The following PLD1 variants were observed in gnomAD, a reference collection of about 807,000 sequenced individuals.
PLD1 encodes the protein phospholipase D1, also known as choline phosphatase 1.
Under a neutral mutation model 137.1 loss-of-function variants are expected in PLD1, and 112 were observed. That is an observed-to-expected ratio of 0.82 (90% CI 0.70 to 0.96). The LOEUF (loss-of-function observed/expected upper bound fraction) is 0.96, where lower values mean the gene tolerates loss of function less well. Among genes scored for constraint, PLD1 ranks in the 40% least tolerant of loss-of-function variants. The pLI is 0.00. For synonymous variants in PLD1, 431 were observed against 454.7 expected, an observed-to-expected ratio of 0.95 and a Z score of 0.66; for missense variants, 1,321 against 1,342.0, an observed-to-expected ratio of 0.98 and a Z score of 0.24.
In PLD1 at chr3:171,748,815, C is replaced by T. The variant is rs7645566; in HGVS notation, c.-31-10733G>A. On this transcript the variant is annotated intron_variant, in intron 1 of 26. Coordinates refer to ENST00000351298, the MANE Select transcript of PLD1 (RefSeq NM_002662.5). ...AATGTGTAAAATGGAAGTAATATTG[C>T]GTGGCTTAGAGCTTGGGCTATACTA... is the stretch of plus-strand genomic sequence containing the variant. 6.7e-3 allele frequency among the ~76,000 whole-genome samples: 994 copies of T among 148,758 alleles called. 11 individuals carry two copies. The highest frequency in any genetic ancestry group is 0.019 in the African/African-American group (774 of 40,020).
chr3:171,804,954 C>T (rs2141748), intron 1 of PLD1, among the ~76,000 whole-genome samples: 52,274 of 152,058 alleles, frequency 0.34, 9,402 homozygotes, highest in Middle Eastern at 0.52. Flanking sequence ...TCCCTTTCTA[C>T]GGCTTTCCTT....
chr3:171,708,218 T>C (rs1560237254), intron 11 of PLD1, among the ~76,000 whole-genome samples: 1 of 152,348 alleles, frequency 6.6e-6, no homozygotes, highest in Non-Finnish European at 1.5e-5. Context: ...ATGAGGCTTC[T>C]GGTGACTTTA....
intron 1 of PLD1, among the ~76,000 whole-genome samples, chr3:171,750,239 GA>G (rs2108289237): frequency 6.6e-6 from 1 of 152,224 alleles, no homozygotes; most frequent in East Asian, 1.9e-4. Context: ...CCAGAGAAAA[GA>G]AAAAATTTGC....
chr3:171,657,311 A>G (rs1737297932), intron 21 of PLD1, among the ~76,000 whole-genome samples: 1 of 152,242 alleles, frequency 6.6e-6, no homozygotes, highest in Non-Finnish European at 1.5e-5. Context: ...TTAAGTATAA[A>G]AGTCCCCAAA....
In PLD1 at chr3:171,634,901, A is replaced by C. The variant is rs188400340; in HGVS notation, c.2593+7939T>G. 4.3e-3 allele frequency among the ~76,000 whole-genome samples: 657 copies of C among 151,982 alleles called. 2 individuals carry two copies. Among genetic ancestry groups the C allele is most frequent in the Non-Finnish European group, 7.5e-3 (512 of 67,884 alleles). On this transcript the variant is annotated intron_variant, in intron 23 of 26. Coordinates refer to ENST00000351298, the MANE Select transcript of PLD1 (RefSeq NM_002662.5). ...TTTAAGACATTTTTATCACTCCCCCAAAAAAACCCCACACTCATTAACAGT... is the reference window on the plus strand; with the variant it reads ...TTTAAGACATTTTTATCACTCCCCCCAAAAAACCCCACACTCATTAACAGT...
At chr3:171,754,932 T>A (rs1720913307) in intron 1 of PLD1, among the ~76,000 whole-genome samples, 2 of 152,178 alleles carry the variant, frequency 1.3e-5, no homozygotes, top group East Asian at 3.9e-4. Context: ...ACTCAGCTAC[T>A]ACTATATCTC....
intron 1 of PLD1, among the ~76,000 whole-genome samples, chr3:171,761,968 G>A (rs1721424196): frequency 6.6e-6 from 1 of 152,168 alleles, no homozygotes; most frequent in Admixed American, 6.5e-5. Context: ...GATTAATACA[G>A]AAACGTAACT....
chr3:171,737,438 A>C (rs1308430251), intron 3 of PLD1, 94 bp downstream of exon 3: 41 of 1,080,624 alleles, frequency 3.8e-5, no homozygotes, highest in Non-Finnish European at 5.2e-5. Context: ...ACCTACAAAC[A>C]TGATCATAGC....
intron 8 of PLD1, among the ~76,000 whole-genome samples, chr3:171,715,286 G>T (rs1015045295): frequency 1.3e-5 from 2 of 152,178 alleles, no homozygotes; most frequent in African/African-American, 4.8e-5. Context: ...ATTAATATCT[G>T]AGTTCTCTAT....
At position 171,702,642 on chromosome 3, in the gene PLD1, TAA is replaced by T. The variant is rs768993810; in HGVS notation, c.1146-2818_1146-2817del. ...ATATTCCTTGAATAAAATATTTTCATAATGAAAATAAAAAGAAATTGAAACTG... is the reference window on the plus strand; with the variant it reads ...ATATTCCTTGAATAAAATATTTTCATTGAAAATAAAAAGAAATTGAAACTG... On this transcript the variant is annotated intron_variant, in intron 11 of 26. Transcript: ENST00000351298. Among the ~76,000 whole-genome samples, 293 of 152,236 alleles carry T rather than the reference TAA, an allele frequency of 1.9e-3. 1 individual carries two copies. The highest frequency in any genetic ancestry group is 3.2e-3 in the Non-Finnish European group (217 of 68,004).
chr3:171,611,122 C>T (rs1283740994), intron 25 of PLD1, among the ~76,000 whole-genome samples: 1 of 152,192 alleles, frequency 6.6e-6, no homozygotes, highest in Non-Finnish European at 1.5e-5. Context: ...GGGCATAACG[C>T]ACTGATCTTA....
chr3:171,638,702 T>G (rs1735375709), intron 23 of PLD1, among the ~76,000 whole-genome samples: 1 of 152,148 alleles, frequency 6.6e-6, no homozygotes, highest in South Asian at 2.1e-4. Context: ...TTTTGGGAGT[T>G]TGTGTCTTTA....
At chr3:171,629,621 G>A (rs1423108563) in intron 23 of PLD1, among the ~76,000 whole-genome samples, 1 of 151,836 alleles carries the variant, frequency 6.6e-6, no homozygotes. Flanking sequence ...TATACTACAA[G>A]GCTACAGTAA....
rs181135435 is a variant in PLD1 at position 171,758,776 on chromosome 3, G to A, written c.-31-20694C>T. On this transcript the variant is annotated intron_variant, in intron 1 of 26. Coordinates refer to ENST00000351298, the MANE Select transcript of PLD1 (RefSeq NM_002662.5). ...GCTGTATCAGGACCTTCCTTCTCCT[G>A]GATAGTGACATATGGATATTTGTAA... Among the ~76,000 whole-genome samples the A allele has an allele frequency of 1.0e-3, 156 of 152,296 alleles. 1 individual carries two copies. The highest frequency in any genetic ancestry group is 1.6e-3 in the Non-Finnish European group (111 of 68,024).
At chr3:171,733,317 T>C (rs947927745) in intron 6 of PLD1, 127 bp downstream of exon 6, 3 of 543,648 alleles carry the variant, frequency 5.5e-6, no homozygotes, top group African/African-American at 2.0e-5. Context: ...TCACTTAATT[T>C]ATTTTAATGC....
chr3:171,632,580 T>C (rs1021283541), intron 23 of PLD1, among the ~76,000 whole-genome samples: 1 of 151,840 alleles, frequency 6.6e-6, no homozygotes, highest in Non-Finnish European at 1.5e-5. Flanking sequence ...TATTCCAAAA[T>C]GACTCAGGGT....
In PLD1 at chr3:171,612,580, T is replaced by A; in HGVS notation, c.2729-148A>T. ...ATGTGTTTTTAGGGAGGTGGGGCCC[T>A]CCCTAACCCAGGGGTGAATCTTAAT... On this transcript the variant is annotated intron_variant, in intron 24 of 26. Coordinates refer to ENST00000351298, the MANE Select transcript of PLD1 (RefSeq NM_002662.5). The surrounding 1 kb of genome is among the most constrained non-coding windows in gnomAD (Gnocchi z 4.1). 1.5e-6 allele frequency: 1 copy of A among 673,422 alleles called. No homozygotes were observed. Among genetic ancestry groups the A allele is most frequent in the Non-Finnish European group, 2.6e-6 (1 of 386,880 alleles). 41.7% of individuals were successfully genotyped at this position (673,422 alleles called of 1,614,324 possible).
intron 1 of PLD1, among the ~76,000 whole-genome samples, chr3:171,794,584 G>T (rs1290573747): frequency 6.6e-6 from 1 of 151,970 alleles, no homozygotes; most frequent in Non-Finnish European, 1.5e-5. Context: ...TAATTGTCTA[G>T]GCCTTAGGAG....
intron 11 of PLD1, among the ~76,000 whole-genome samples, chr3:171,707,732 C>G (rs1193937260): frequency 6.6e-6 from 1 of 152,186 alleles, no homozygotes; most frequent in African/African-American, 2.4e-5. Context: ...GAACTTACTA[C>G]TGGTACCTAG....
Sources: gnomAD v4.1 joint callset for allele counts (sites outside exome capture counted in the v4.1 genomes callset) on GRCh38, gnomAD v4.1.1 for gene constraint, Gnocchi (gnomAD v3.1) non-coding constraint, MANE v1.5 for transcripts, NCBI Gene and HGNC (gene_info 2026-07-23, HGNC 2026-07-21) for gene names.